The following MYPN variants were observed in gnomAD, a reference collection of about 807,000 sequenced individuals.
MYPN encodes myopalladin, also known as sarcomeric protein myopalladin, 145 kDa (MYOP).
Under a neutral mutation model 129.4 loss-of-function variants are expected in MYPN, and 63 were observed. That is an observed-to-expected ratio of 0.49 (90% CI 0.40 to 0.60). The LOEUF (loss-of-function observed/expected upper bound fraction) is 0.60, where lower values mean the gene tolerates loss of function less well. Ranked by LOEUF, MYPN falls within the 20% of genes least tolerant of loss-of-function variation. The pLI is 0.00. For missense variants in MYPN, 1,596 were observed against 1,635.4 expected (o/e 0.98, Z 0.42); for synonymous variants, 629 against 600.9 (o/e 1.05, Z -0.68).
intron 18 of MYPN, among the ~76,000 whole-genome samples, chr10:68,205,431 C>T (rs951787187): frequency 6.6e-6 from 1 of 151,582 alleles, no homozygotes; most frequent in African/African-American, 2.4e-5. Flanking sequence ...GTAATCCCAG[C>T]ACTTTGGGAG....
In MYPN at chr10:68,197,541, T is replaced by C. The variant is rs1469445186; in HGVS notation, c.3285+63T>C. ...CATATTTTGTATTTGTTTGCATTCA[T>C]TTTTATTTGTATTTGTTTTGTGGGT... On this transcript the variant is annotated intron_variant, in intron 16 of 19. Transcript: ENST00000358913. 14 of 1,603,094 alleles carry C rather than the reference T, an allele frequency of 8.7e-6. No individual in the cohort carries two copies. The African/African-American group carries it at 1.1e-4, about 12-fold the overall frequency.
intron 1 of MYPN, among the ~76,000 whole-genome samples, chr10:68,115,410 T>C (rs1367428912): frequency 9.9e-5 from 15 of 152,168 alleles, no homozygotes. Context: ...GGCATAAATA[T>C]TGGAGTAATT....
At chr10:68,191,544 T>C (rs1235215217) in intron 13 of MYPN, among the ~76,000 whole-genome samples, 1 of 152,176 alleles carries the variant, frequency 6.6e-6, no homozygotes, top group Non-Finnish European at 1.5e-5. Flanking sequence ...GCAAAGGATG[T>C]CATTGTTGTT....
intron 12 of MYPN, among the ~76,000 whole-genome samples, chr10:68,182,199 T>G (rs1270632148): frequency 6.9e-6 from 1 of 144,244 alleles, no homozygotes; most frequent in Non-Finnish European, 1.5e-5. Flanking sequence ...CACTACCTGG[T>G]TACTAATGTT....
At chr10:68,106,093 A>G (rs2042009940), upstream of MYPN, 2 of 453,154 alleles carry the variant, frequency 4.4e-6, no homozygotes, top group Non-Finnish European at 8.8e-6. Flanking sequence ...CCTTCATGGC[A>G]CTTTTGTGTC....
chr10:68,140,998 G>C (rs994160655), intron 2 of MYPN, among the ~76,000 whole-genome samples: 1 of 152,132 alleles, frequency 6.6e-6, no homozygotes, highest in Non-Finnish European at 1.5e-5. Context: ...CCTGAGCCCG[G>C]GGAGGTTGAG....
At chr10:68,097,896 C>A (rs2041964138) in intron 1 of MYPN, among the ~76,000 whole-genome samples, 1 of 152,062 alleles carries the variant, frequency 6.6e-6, no homozygotes, top group African/African-American at 2.4e-5. Context: ...GAGGTGATGT[C>A]CCTTTCTTAA....
At chr10:68,145,273 C>T (rs773377666) in intron 3 of MYPN, among the ~76,000 whole-genome samples, 1 of 152,122 alleles carries the variant, frequency 6.6e-6, no homozygotes, top group African/African-American at 2.4e-5. Flanking sequence ...ATCCACCCCC[C>T]TCGGCCTCCC....
intron 10 of MYPN, among the ~76,000 whole-genome samples, chr10:68,167,182 C>G (rs1469116400): frequency 6.6e-6 from 1 of 152,224 alleles, no homozygotes; most frequent in Non-Finnish European, 1.5e-5. Context: ...AGCAATGTTG[C>G]ACTTAAACTA....
At chr10:68,127,005 GAC>G (rs961376018) in intron 2 of MYPN, among the ~76,000 whole-genome samples, 5 of 152,136 alleles carry the variant, frequency 3.3e-5, no homozygotes, top group African/African-American at 9.7e-5. Flanking sequence ...TAGTGATTTT[GAC>G]ACAGAGTCTC....
chr10:68,156,497 T>A (rs1472899530), intron 6 of MYPN, among the ~76,000 whole-genome samples: 1 of 152,210 alleles, frequency 6.6e-6, no homozygotes, highest in Non-Finnish European at 1.5e-5. Context: ...GCTAATCCCA[T>A]CCTGAATTAC....
intron 18 of MYPN, among the ~76,000 whole-genome samples, chr10:68,204,356 A>G (rs906270756): frequency 5.1e-4 from 77 of 152,176 alleles, no homozygotes; most frequent in African/African-American, 1.8e-3. Flanking sequence ...ATAGCACCCT[A>G]ATGTGTCTCT....
At chr10:68,161,125 C>T (rs1427652124) in intron 7 of MYPN, among the ~76,000 whole-genome samples, 1 of 152,172 alleles carries the variant, frequency 6.6e-6, no homozygotes, top group Non-Finnish European at 1.5e-5. Flanking sequence ...ATAACTAACT[C>T]ACAAACCTCC....
At chr10:68,094,639 C>T (rs2041947988) in intron 1 of MYPN, among the ~76,000 whole-genome samples, 1 of 138,600 alleles carries the variant, frequency 7.2e-6, no homozygotes, top group South Asian at 2.5e-4. Flanking sequence ...GCATAGGTAG[C>T]AGCATTTAAT....
intron 2 of MYPN, among the ~76,000 whole-genome samples, chr10:68,131,750 G>A (rs1055501652): frequency 6.6e-5 from 10 of 152,096 alleles, no homozygotes; most frequent in African/African-American, 2.2e-4. Flanking sequence ...CAAATCCTTG[G>A]TTAGCTTTAT....
rs2042650047 is a variant in MYPN at position 68,145,545 on chromosome 10, C to T, written c.1130+19C>T. 1.9e-6 allele frequency: 3 copies of T among 1,604,240 alleles called. No individual in the cohort carries two copies. The highest frequency in any genetic ancestry group is 2.6e-6 in the Non-Finnish European group (3 of 1,172,412). On this transcript the variant is annotated intron_variant, in intron 4 of 19. Transcript: ENST00000358913. ...TGAATCGGTAATTCTGATTTTCTGT[C>T]TTATAGCTTTAGCATCCTCAGATCA... is the stretch of plus-strand genomic sequence containing the variant.
chr10:68,119,695 C>T (rs1247318526), intron 1 of MYPN, among the ~76,000 whole-genome samples: 7 of 152,146 alleles, frequency 4.6e-5, no homozygotes, highest in African/African-American at 1.7e-4. Flanking sequence ...CATAGGCGTG[C>T]GCCGCTGTGC....
intron 3 of MYPN, among the ~76,000 whole-genome samples, chr10:68,144,215 G>T (rs2042625083): frequency 6.6e-6 from 1 of 152,104 alleles, no homozygotes; most frequent in South Asian, 2.1e-4. Flanking sequence ...ATGCTCCTTT[G>T]TATCTACCTA....
At chr10:68,095,299 G>A (rs2041951247) in intron 1 of MYPN, among the ~76,000 whole-genome samples, 1 of 149,292 alleles carries the variant, frequency 6.7e-6, no homozygotes, top group Non-Finnish European at 1.5e-5. Context: ...GTAGTAAGAA[G>A]AGATCACTCT....
Sources: allele counts gnomAD v4.1 joint callset (sites outside exome capture counted in the v4.1 genomes callset), GRCh38; gene constraint gnomAD v4.1.1; transcripts MANE v1.5; gene names NCBI Gene and HGNC (gene_info 2026-07-23, HGNC 2026-07-21).